Variants in PCDHGB2 observed in about 807,000 individuals in gnomAD.
PCDHGB2 encodes protocadherin gamma-B2.
PCDHGB2 carries 55 observed loss-of-function variants against 59.3 expected under a neutral mutation model. The ratio of observed to expected loss-of-function variants is 0.93; its 90% CI spans 0.75 to 1.16. The LOEUF (loss-of-function observed/expected upper bound fraction) is 1.16. PCDHGB2 is among the 50% of genes most tolerant of loss of function. PCDHGB2 has a pLI of 0.00. For synonymous variants in PCDHGB2, 516 were observed against 512.0 expected, an observed-to-expected ratio of 1.01 and a Z score of -0.11; for missense variants, 1,228 against 1,198.5, an observed-to-expected ratio of 1.02 and a Z score of -0.36.
intron 1 of PCDHGB2, chr5:141,393,310 C>A (rs775937552): frequency 1.2e-6 from 2 of 1,613,388 alleles, no homozygotes; most frequent in African/African-American, 2.7e-5. Flanking sequence ...GGCGTGAACT[C>A]CCTCCAGAGC....
chr5:141,378,683 C>G (rs559332008), intron 1 of PCDHGB2: 9 of 152,254 alleles, frequency 5.9e-5, no homozygotes, highest in Admixed American at 5.9e-4. Context: ...AATATTTTAG[C>G]ATTTTAACCC....
chr5:141,431,748 G>T lies in PCDHGB2; in HGVS notation c.2422-63059G>T. 1 of 1,614,196 alleles carries T rather than the reference G, an allele frequency of 6.2e-7. No homozygotes were observed. Among genetic ancestry groups the T allele is most frequent in the Non-Finnish European group, 8.5e-7 (1 of 1,180,042 alleles). Reference sequence around the variant, plus strand: ...ATGGATAATGCAGGATATTCTGCGCGAGCCAAAGTCCTGATCACTGTTCTG... The same window carrying T: ...ATGGATAATGCAGGATATTCTGCGCTAGCCAAAGTCCTGATCACTGTTCTG... On this transcript the variant is annotated intron_variant, in intron 1 of 3. Transcript: ENST00000522605. This position sits in a 1 kb window ranked among gnomAD's most constrained non-coding sequence, Gnocchi z 4.8.
chr5:141,502,868 T>TTTTTTTTTC (rs1298099288), intron 2 of PCDHGB2, among the ~76,000 whole-genome samples: 1 of 147,026 alleles, frequency 6.8e-6, no homozygotes, highest in Non-Finnish European at 1.5e-5. Flanking sequence ...CTCTCTGTCT[T>TTTTTTTTTC]TTTTTTTTTT....
At position 141,491,151 on chromosome 5, in the gene PCDHGB2, T is replaced by C. The variant is rs1283775894; in HGVS notation, c.2422-3656T>C. The C allele has an allele frequency of 6.2e-7, 1 of 1,614,150 alleles. No individual in the cohort carries two copies. On this transcript the variant is annotated intron_variant, in intron 1 of 3. Transcript: ENST00000522605. The surrounding 1 kb of genome is among the most constrained non-coding windows in gnomAD (Gnocchi z 6.9). ...GCACAGCCCGGGCCTTACTGGAGGA[T>C]GACTCTGACACCCAGCAGGTGGTGG...
Position 141,418,146 on chromosome 5 carries a change from G to A in PCDHGB2, c.2421+55590G>A, listed in dbSNP as rs755513829. The A allele has an allele frequency of 1.1e-5, 18 of 1,613,970 alleles. No homozygotes were observed. In the South Asian group the frequency reaches 1.6e-4, roughly 15 times the overall value. ...GACCGAATAGACCGTGAGCAAATAT[G>A]CAAAGAGAGAAGAAGATGTGAGTTG... is the stretch of plus-strand genomic sequence containing the variant. On this transcript the variant is annotated intron_variant, in intron 1 of 3. Transcript: ENST00000522605.
At chr5:141,372,766 A>G in intron 1 of PCDHGB2, 1 of 1,611,952 alleles carries the variant, frequency 6.2e-7, no homozygotes, top group Non-Finnish European at 8.5e-7. Flanking sequence ...TTTGAAAGTA[A>G]TGACAATCCA....
Position 141,464,284 on chromosome 5 carries a change from A to C in PCDHGB2, c.2422-30523A>C, listed in dbSNP as rs1237360752. ...CGTCTAAAAAAAAAAAAAAGCAAAA[A>C]AAAAAACTCCATTGTATGTGCACAT... On this transcript the variant is annotated intron_variant, in intron 1 of 3. Coordinates refer to ENST00000522605, the MANE Select transcript of PCDHGB2 (RefSeq NM_018923.3). 4.0e-5 allele frequency among the ~76,000 whole-genome samples: 6 copies of C among 151,546 alleles called. No individual in the cohort carries two copies. The South Asian group carries it at 1.0e-3, about 26-fold the overall frequency.
chr5:141,508,043 T>A (rs2099865910), intron 3 of PCDHGB2: 1 of 152,252 alleles, frequency 6.6e-6, no homozygotes, highest in Non-Finnish European at 1.5e-5. Context: ...CAGCCAGCTG[T>A]GTTCCAGCTA....
At chr5:141,427,087 A>G (rs1338132084) in intron 1 of PCDHGB2, 1 of 458,198 alleles carries the variant, frequency 2.2e-6, no homozygotes, top group Non-Finnish European at 4.4e-6. Flanking sequence ...ACTGACCAGG[A>G]TGAGGGTGTC....
At chr5:141,484,359 T>A (rs1218120598) in intron 1 of PCDHGB2, among the ~76,000 whole-genome samples, 1 of 152,222 alleles carries the variant, frequency 6.6e-6, no homozygotes, top group Non-Finnish European at 1.5e-5. Context: ...GTGTATCTAG[T>A]GTATCACTAG....
chr5:141,466,197 G>A (rs2099118639), intron 1 of PCDHGB2, among the ~76,000 whole-genome samples: 1 of 151,666 alleles, frequency 6.6e-6, no homozygotes, highest in South Asian at 2.1e-4. Flanking sequence ...TTCAGACACA[G>A]CCTTGCTCTG....
intron 1 of PCDHGB2, chr5:141,392,498 AT>A (rs201401101): frequency 3.1e-4 from 68 of 217,634 alleles, no homozygotes; most frequent in African/African-American, 9.8e-4. Context: ...TAAGCAAATG[AT>A]TTTTTTTTCT....
intron 1 of PCDHGB2, chr5:141,405,445 A>G: frequency 7.3e-7 from 1 of 1,360,898 alleles, no homozygotes; most frequent in Non-Finnish European, 1.0e-6. Context: ...TTTGAGACAG[A>G]GTCTTACTCT....
chr5:141,463,886 C>T (rs1327677210), intron 1 of PCDHGB2, among the ~76,000 whole-genome samples: 3 of 152,118 alleles, frequency 2.0e-5, no homozygotes, highest in African/African-American at 4.8e-5. Flanking sequence ...AAAGTTTTCA[C>T]CTTGCTTTTT....
chr5:141,494,924 TGGGAGGAGATGGGGGAG>T, intron 2 of PCDHGB2, 59 bp downstream of exon 2: 1 of 1,613,498 alleles, frequency 6.2e-7, no homozygotes, highest in Admixed American at 1.7e-5. Flanking sequence ...AGGGATGACG[TGGGAGGAGATGGGGGAG>T]GGCCCAGCAT....
rs1467125550 is a variant in PCDHGB2 at position 141,511,799 on chromosome 5, T to G, written c.*626T>G. 6.4e-6 allele frequency: 1 copy of G among 157,228 alleles called. No homozygotes were observed. The highest frequency in any genetic ancestry group is 1.4e-5 in the Non-Finnish European group (1 of 70,874). 9.7% of individuals were successfully genotyped at this position (157,228 alleles called of 1,614,324 possible). ...TGCTTGCTGGATTTAGGGAGGGCAT[T>G]TTGCTACCAAGCCTCTTCCCAACGC... On this transcript the variant is annotated 3_prime_UTR_variant, in exon 4 of 4. Coordinates refer to ENST00000522605, the MANE Select transcript of PCDHGB2 (RefSeq NM_018923.3).
chr5:141,364,769 G>T (rs755884627), intron 1 of PCDHGB2: 1 of 1,614,012 alleles, frequency 6.2e-7, no homozygotes, highest in Admixed American at 1.7e-5. Flanking sequence ...TGAAAATGCG[G>T]CTGCAGGGAC....
Position 141,485,172 on chromosome 5 carries a change from C to A in PCDHGB2, c.2422-9635C>A. ...CAAGTAGAGAATTAGCGGGCGGCAG[C>A]AATGCTCCGCAAGGTGAGAAGCTGG... On this transcript the variant is annotated intron_variant, in intron 1 of 3. Transcript: ENST00000522605. The surrounding 1 kb of genome is among the most constrained non-coding windows in gnomAD (Gnocchi z 5.7). 6.2e-7 allele frequency: 1 copy of A among 1,610,164 alleles called. No individual in the cohort carries two copies. The highest frequency in any genetic ancestry group is 8.5e-7 in the Non-Finnish European group (1 of 1,176,940).
chr5:141,389,101 C>G, intron 1 of PCDHGB2: 1 of 1,614,030 alleles, frequency 6.2e-7, no homozygotes, highest in Non-Finnish European at 8.5e-7. Flanking sequence ...GTGACAGATG[C>G]TGTTCTAGAC....
Sources: gnomAD v4.1 joint callset for allele counts (sites outside exome capture counted in the v4.1 genomes callset) on GRCh38, gnomAD v4.1.1 for gene constraint, Gnocchi (gnomAD v3.1) non-coding constraint, MANE v1.5 for transcripts, NCBI Gene and HGNC (gene_info 2026-07-23, HGNC 2026-07-21) for gene names.